Variants in PHLPP2 observed in about 807,000 individuals in gnomAD.
PHLPP2 encodes the protein PH domain and leucine rich repeat protein phosphatase 2.
In PHLPP2, 66 loss-of-function variants were observed where a neutral mutation model predicts 124.9. That is an observed-to-expected ratio of 0.53 (90% CI 0.43 to 0.65). The LOEUF is 0.65. Ranked by LOEUF, PHLPP2 falls within the 30% of genes least tolerant of loss-of-function variation. PHLPP2 has a pLI of 0.00. For synonymous variants in PHLPP2, 681 were observed against 624.7 expected (o/e 1.09, Z -1.34); for missense variants, 1,685 against 1,600.4 (o/e 1.05, Z -0.90).
chr16:71,677,453 C>CACATATAT (rs2044956677), intron 8 of PHLPP2: 1 of 133,778 alleles, frequency 7.5e-6, no homozygotes, highest in Non-Finnish European at 1.6e-5. Context: ...ATAATCTGCA[C>CACATATAT]ATATATATAT....
intron 4 of PHLPP2, among the ~76,000 whole-genome samples, chr16:71,688,426 A>T (rs1284233864): frequency 6.6e-6 from 1 of 152,196 alleles, no homozygotes; most frequent in African/African-American, 2.4e-5. Flanking sequence ...GCTCTTTCAT[A>T]GGCAGATATT....
In PHLPP2 at chr16:71,649,405, G is replaced by A. The variant is rs897464777; in HGVS notation, c.3457C>T (p.Gln1153Ter). Reference sequence around the variant, plus strand: ...TTGGTTATGACCCCCTCAACGGGCTGGTCATCATCACTGTCCAGGCCGTTG... The same window carrying A: ...TTGGTTATGACCCCCTCAACGGGCTAGTCATCATCACTGTCCAGGCCGTTG... ...SDNGLDSDDD[Q>*]PVEGVITNGS... The change falls in exon 19 of 19, where the codon CAG becomes TAG. Residue 1153 changes from glutamine (Q) to a stop codon, truncating the protein, a stop_gained. Coordinates refer to ENST00000568954, the MANE Select transcript of PHLPP2 (RefSeq NM_015020.3). LOFTEE classifies it high-confidence loss of function. The A allele has an allele frequency of 1.2e-6, 2 of 1,614,104 alleles. No homozygotes were observed.
chr16:71,721,231 G>A (rs1478998369), intron 1 of PHLPP2, among the ~76,000 whole-genome samples: 1 of 151,886 alleles, frequency 6.6e-6, no homozygotes, highest in Non-Finnish European at 1.5e-5. Context: ...TACTCAGGAA[G>A]CTAAGGCAGG....
chr16:71,653,605 G>A (rs762187889), intron 17 of PHLPP2, among the ~76,000 whole-genome samples: 8 of 152,176 alleles, frequency 5.3e-5, no homozygotes, highest in Admixed American at 3.9e-4. Context: ...CTAGCAGAAA[G>A]ACCTAGTTTC....
chr16:71,671,588 T>A (rs945266127), intron 10 of PHLPP2, among the ~76,000 whole-genome samples: 1 of 151,934 alleles, frequency 6.6e-6, no homozygotes, highest in African/African-American at 2.4e-5. Context: ...ACATGAGTTA[T>A]AGGAGTACAA....
At chr16:71,674,231 C>T (rs2044922979) in intron 9 of PHLPP2, among the ~76,000 whole-genome samples, 1 of 152,074 alleles carries the variant, frequency 6.6e-6, no homozygotes, top group Admixed American at 6.5e-5. Flanking sequence ...GCACGCGCCA[C>T]CATGCCCAGC....
chr16:71,714,170 C>G (rs2145383149), intron 2 of PHLPP2, among the ~76,000 whole-genome samples: 1 of 152,144 alleles, frequency 6.6e-6, no homozygotes, highest in South Asian at 2.1e-4. Context: ...GAACTCCTGA[C>G]CTCAAGTGAT....
chr16:71,658,102 A>C, intron 15 of PHLPP2, 131 bp downstream of exon 15: 2 of 712,936 alleles, frequency 2.8e-6, no homozygotes, highest in Non-Finnish European at 4.5e-6. Flanking sequence ...AAAGAAGAGA[A>C]CCTAGGGGCT....
rs137910373 is a variant in PHLPP2 at position 71,714,641 on chromosome 16, G to A, written c.155C>T (p.Ser52Phe). ...AGAGGAAGAGGAGGAGGAGGAAGAG[G>A]AAGAGGAGGTGGTGGTGGTTGTAGT... ...TATTTTTTSS[S>F]SSSSSSSSDL... Residue 52 changes from serine (S) to phenylalanine (F), a missense_variant, in exon 2 of 19, where the codon TCC becomes TTC. Physicochemically the swap from Ser to Phe is radical, Grantham distance 155. Transcript: ENST00000568954. 6.2e-7 allele frequency: 1 copy of A among 1,613,760 alleles called. No individual in the cohort carries two copies. The highest frequency in any genetic ancestry group is 8.5e-7 in the Non-Finnish European group (1 of 1,179,702).
chr16:71,707,266 T>C (rs1324296891), intron 2 of PHLPP2, among the ~76,000 whole-genome samples: 1 of 152,132 alleles, frequency 6.6e-6, no homozygotes, highest in Non-Finnish European at 1.5e-5. Context: ...AGATACACCA[T>C]TTTTTACGCA....
chr16:71,652,469 T>G (rs1448255468), intron 18 of PHLPP2, among the ~76,000 whole-genome samples: 1 of 152,254 alleles, frequency 6.6e-6, no homozygotes, highest in African/African-American at 2.4e-5. Context: ...CTCTTTCTTC[T>G]ATTTGGAATA....
chr16:71,673,389 G>T (rs139803127), intron 9 of PHLPP2, among the ~76,000 whole-genome samples: 50 of 152,254 alleles, frequency 3.3e-4, no homozygotes, highest in Non-Finnish European at 5.3e-4. Flanking sequence ...GTGCCACGCA[G>T]GAGTTTCAAT....
rs143188015 is a variant in PHLPP2 at position 71,714,679 on chromosome 16, G to A, written c.117C>T (p.Asp39=). 1.2e-6 allele frequency: 2 copies of A among 1,613,664 alleles called. No homozygotes were observed. The highest frequency in any genetic ancestry group is 4.5e-5 in the East Asian group (2 of 44,876). ...TGGTGGTTGTAGTGGCAGTGGTAGT[G>A]TCTGCTCCATAAAGGTAAACACAGC... The part of the protein sequence containing the change: ...KRGCVYLYGA[D]TTTATTTTTT... The change falls in exon 2 of 19, where the codon GAC becomes GAT. Residue 39 remains aspartate, a synonymous_variant. Coordinates refer to ENST00000568954, the MANE Select transcript of PHLPP2 (RefSeq NM_015020.3).
At chr16:71,687,885 T>C (rs2045068690) in intron 4 of PHLPP2, among the ~76,000 whole-genome samples, 1 of 152,186 alleles carries the variant, frequency 6.6e-6, no homozygotes. Flanking sequence ...TTCTGAAGGA[T>C]TCTTTTATAG....
chr16:71,666,885 A>G (rs868507135), intron 12 of PHLPP2, among the ~76,000 whole-genome samples: 3 of 152,212 alleles, frequency 2.0e-5, no homozygotes, highest in Non-Finnish European at 4.4e-5. Flanking sequence ...TTTAAATATC[A>G]TAACTATATT....
chr16:71,671,532 T>A, intron 10 of PHLPP2, among the ~76,000 whole-genome samples: 1 of 152,050 alleles, frequency 6.6e-6, no homozygotes, highest in East Asian at 1.9e-4. Context: ...GAATAAAAAG[T>A]AATAAAATCC....
intron 2 of PHLPP2, among the ~76,000 whole-genome samples, chr16:71,706,605 T>C (rs1258151930): frequency 1.3e-5 from 2 of 152,098 alleles, no homozygotes; most frequent in African/African-American, 4.8e-5. Context: ...ATAGAAACAA[T>C]AGGGATACTT....
intron 18 of PHLPP2, among the ~76,000 whole-genome samples, chr16:71,651,671 TTTTTGA>T (rs1169347480): frequency 1.3e-5 from 2 of 152,204 alleles, no homozygotes; most frequent in African/African-American, 4.8e-5. Context: ...AAAATGATGG[TTTTTGA>T]TTTTGTTTCC....
In PHLPP2 at chr16:71,705,179, G is replaced by A. The variant is rs185524583; in HGVS notation, c.285-2448C>T. The stretch of plus-strand genomic sequence containing the variant: ...GAAGAAACACCTGTAAGAACCAAAC[G>A]GGGCCAGATGATCTTCAGGGCATTT... On this transcript the variant is annotated intron_variant, in intron 2 of 18. Coordinates refer to ENST00000568954, the MANE Select transcript of PHLPP2 (RefSeq NM_015020.3). 6.4e-3 allele frequency among the ~76,000 whole-genome samples: 973 copies of A among 152,268 alleles called. 6 individuals are homozygous for A. The highest frequency in any genetic ancestry group is 0.017 in the Middle Eastern group (5 of 294).
Sources: gnomAD v4.1 joint callset for allele counts (sites outside exome capture counted in the v4.1 genomes callset) on GRCh38, gnomAD v4.1.1 for gene constraint, MANE v1.5 for transcripts, NCBI Gene and HGNC (gene_info 2026-07-23, HGNC 2026-07-21) for gene names.